The following KIF15 variants were observed in gnomAD, a reference collection of about 807,000 sequenced individuals.
KIF15 encodes kinesin family member 15, also known as kinesin-like protein KIF15.
A neutral mutation model predicts 190.6 loss-of-function variants in KIF15; 140 were observed. That is an observed-to-expected ratio of 0.73 (90% CI 0.64 to 0.84). The LOEUF is 0.84. Ranked by LOEUF, KIF15 falls within the 40% of genes least tolerant of loss-of-function variation. KIF15 has a pLI of 0.00. For synonymous variants in KIF15, 528 were observed against 551.3 expected, an observed-to-expected ratio of 0.96 and a Z score of 0.59; for missense variants, 1,372 against 1,584.4, an observed-to-expected ratio of 0.87 and a Z score of 2.28.
chr3:44,862,138 GTGCTGC>G, intron 6 of KIF15: 1 of 1,197,064 alleles, frequency 8.4e-7, no homozygotes, highest in Non-Finnish European at 1.0e-6. Context: ...GGCGCTGTTG[GTGCTGC>G]TGCTGCGGGC....
At chr3:44,829,628 TTATA>T (rs1295223165) in intron 24 of KIF15, among the ~76,000 whole-genome samples, 2 of 123,940 alleles carry the variant, frequency 1.6e-5, no homozygotes, top group South Asian at 4.4e-4. Flanking sequence ...TGTATATACA[TTATA>T]TATGTATATA....
intron 6 of KIF15, chr3:44,864,904 CA>C: frequency 1.8e-6 from 2 of 1,109,998 alleles, no homozygotes; most frequent in Non-Finnish European, 2.6e-6. Flanking sequence ...ATGAAGGTGA[CA>C]GCTAGGTTTC....
intron 5 of KIF15, among the ~76,000 whole-genome samples, chr3:44,781,977 T>C (rs1706186328): frequency 6.6e-6 from 1 of 152,186 alleles, no homozygotes. Context: ...CATTTGTCTT[T>C]TGACTTACTT....
chr3:44,832,308 G>A (rs1043319856), intron 26 of KIF15, among the ~76,000 whole-genome samples: 5 of 152,172 alleles, frequency 3.3e-5, no homozygotes, highest in African/African-American at 9.7e-5. Flanking sequence ...CTTGAGGAAC[G>A]TCAGCTGTAT....
rs566172484 is a variant in KIF15, at chr3:44,790,166, A to G, written c.639+3592A>G. On this transcript the variant is annotated intron_variant, in intron 7 of 34. Transcript: ENST00000326047. ...TTTATTGTCCTGTATTTGTATGAGT[A>G]TCATATACTTTATGACATTTTTTTT... 2.0e-5 allele frequency among the ~76,000 whole-genome samples: 3 copies of G among 152,200 alleles called. 1 individual carries two copies. Among genetic ancestry groups the G allele is most frequent in the African/African-American group, 7.2e-5 (3 of 41,516 alleles).
chr3:44,829,677 GTATA>G (rs1195920295), intron 24 of KIF15, among the ~76,000 whole-genome samples: 1 of 120,048 alleles, frequency 8.3e-6, no homozygotes, highest in Non-Finnish European at 1.6e-5. Flanking sequence ...TATAATATAT[GTATA>G]TATATTATAG....
chr3:44,843,453 T>C (rs557254948), intron 30 of KIF15, among the ~76,000 whole-genome samples: 1 of 152,336 alleles, frequency 6.6e-6, no homozygotes, highest in South Asian at 2.1e-4. Flanking sequence ...TTTAAAGTGA[T>C]TGAAATGAAT....
chr3:44,770,356 A>T (rs1168208755), intron 1 of KIF15, among the ~76,000 whole-genome samples: 1 of 152,124 alleles, frequency 6.6e-6, no homozygotes, highest in African/African-American at 2.4e-5. Flanking sequence ...TCCACAAGGA[A>T]TCTCAGATAG....
chr3:44,834,873 C>T (rs1019597573), intron 26 of KIF15, among the ~76,000 whole-genome samples: 9 of 151,658 alleles, frequency 5.9e-5, no homozygotes, highest in Non-Finnish European at 1.2e-4. Flanking sequence ...GCAGAGGTTG[C>T]AGTGAGCCAA....
intron 1 of KIF15, among the ~76,000 whole-genome samples, chr3:44,765,628 A>T (rs1210961281): frequency 6.6e-6 from 1 of 152,084 alleles, no homozygotes; most frequent in East Asian, 1.9e-4. Flanking sequence ...AAACTACTTC[A>T]ATTCTTGCTC....
intron 10 of KIF15, 126 bp from the exon 11 acceptor site, chr3:44,800,188 A>T (rs187305892): frequency 6.2e-6 from 5 of 805,192 alleles, no homozygotes. Context: ...TGTCCTTTTG[A>T]CTATGATGTG....
Position 44,810,873 on chromosome 3 carries a change from C to G in KIF15, c.1999C>G (p.Gln667Glu). 6.2e-7 allele frequency: 1 copy of G among 1,613,580 alleles called. No homozygotes were observed. The highest frequency in any genetic ancestry group is 2.2e-5 in the East Asian group (1 of 44,860). The change falls in exon 17 of 35, where the codon CAA (glutamine) becomes GAA (glutamate). Residue 667 changes from glutamine (Q) to glutamate (E), a missense_variant. By Grantham distance (29) the Gln-to-Glu change is conservative. Coordinates refer to ENST00000326047, the MANE Select transcript of KIF15 (RefSeq NM_020242.3). The stretch of plus-strand genomic sequence containing the variant: ...TATAACTACACCAACCAAGGCCTAC[C>G]AACTTCATTCCCGACCAGTACCAAA... ...KIITTPTKAYQLHSRPVPKLS... is the reference protein window; with the variant it reads ...KIITTPTKAYELHSRPVPKLS...
intron 20 of KIF15, among the ~76,000 whole-genome samples, chr3:44,820,989 C>A (rs1423700798): frequency 6.8e-6 from 1 of 147,930 alleles, no homozygotes; most frequent in Admixed American, 6.7e-5. Flanking sequence ...GCTGACCCCC[C>A]CACCTCCCTC....
intron 1 of KIF15, among the ~76,000 whole-genome samples, chr3:44,770,111 G>A (rs531566015): frequency 1.1e-4 from 16 of 152,240 alleles, no homozygotes; most frequent in Non-Finnish European, 1.5e-4. Flanking sequence ...GTTTTTAAAC[G>A]AACTAGGCAA....
intron 7 of KIF15, 28 bp from the exon 8 acceptor site, chr3:44,794,189 T>A: frequency 1.3e-6 from 2 of 1,583,690 alleles, no homozygotes; most frequent in Non-Finnish European, 1.7e-6. Context: ...TCCTCTCATT[T>A]CTTTTAATAT....
intron 22 of KIF15, chr3:44,826,912 G>C: frequency 2.4e-6 from 1 of 414,752 alleles, no homozygotes; most frequent in South Asian, 1.8e-5. Context: ...TCGGTCACTA[G>C]GCTGAGAGTC....
Position 44,835,963 on chromosome 3 carries a change from A to G in KIF15, c.3172-2312A>G, listed in dbSNP as rs534370882. Among the ~76,000 whole-genome samples, 54 of 152,292 alleles carry G rather than the reference A, an allele frequency of 3.5e-4. 1 individual carries two copies. In the South Asian group the frequency reaches 0.011, roughly 32 times the overall value. On this transcript the variant is annotated intron_variant, in intron 26 of 34. Coordinates refer to ENST00000326047, the MANE Select transcript of KIF15 (RefSeq NM_020242.3). ...GTAATGCACGCCTGTAGTCCCAGCT[A>G]CTCAGGAGGCTGACATGGGACAATT... is the stretch of plus-strand genomic sequence containing the variant.
chr3:44,823,953 G>A (rs961302449), intron 20 of KIF15, among the ~76,000 whole-genome samples: 22 of 152,132 alleles, frequency 1.4e-4, no homozygotes, highest in South Asian at 2.1e-4. Flanking sequence ...GAAATTCCCC[G>A]ACCCCTTGCG....
rs748831199 is a variant in KIF15 at position 44,851,806 on chromosome 3, G to A, written c.3826G>A (p.Ala1276Thr). The part of the protein sequence containing the change: ...MKADLEEVQS[A>T]LYNKEMECLR... The stretch of plus-strand genomic sequence containing the variant: ...CTACAGCCTAGAAGAAGTCCAAAGT[G>A]CCCTTTACAACAAAGAGATGGAATG... Residue 1276 changes from alanine to threonine, a missense_variant, in exon 33 of 35, where the codon GCC (alanine) becomes ACC (threonine). Ala to Thr is a moderately conservative substitution (Grantham distance 58). Coordinates refer to ENST00000326047, the MANE Select transcript of KIF15 (RefSeq NM_020242.3). The A allele has an allele frequency of 2.6e-5, 42 of 1,613,128 alleles. No individual in the cohort carries two copies. The highest frequency in any genetic ancestry group is 3.4e-5 in the Non-Finnish European group (40 of 1,179,608).
Sources: allele counts gnomAD v4.1 joint callset (sites outside exome capture counted in the v4.1 genomes callset), GRCh38; gene constraint gnomAD v4.1.1; transcripts MANE v1.5; gene names NCBI Gene and HGNC (gene_info 2026-07-23, HGNC 2026-07-21).